The following CDCA7L variants were observed in gnomAD, a reference collection of about 807,000 sequenced individuals.
CDCA7L encodes cell division cycle associated 7 like, also known as cell division cycle-associated 7-like protein.
In CDCA7L, 44 loss-of-function variants were observed where a neutral mutation model predicts 57.4. That is an observed-to-expected ratio of 0.77 (90% CI 0.60 to 0.98). CDCA7L has a LOEUF of 0.98. Ranked by LOEUF, CDCA7L falls within the 50% of genes least tolerant of loss-of-function variation. The probability of loss-of-function intolerance (pLI) is 0.00; values close to 1 mark genes in which losing one functional copy is unlikely to be tolerated. For synonymous variants in CDCA7L, 236 were observed against 202.8 expected, an observed-to-expected ratio of 1.16 and a Z score of -1.39; for missense variants, 644 against 580.6, an observed-to-expected ratio of 1.11 and a Z score of -1.12.
intron 1 of CDCA7L, among the ~76,000 whole-genome samples, chr7:21,933,450 C>A (rs557561230): frequency 6.6e-6 from 1 of 152,242 alleles, no homozygotes; most frequent in African/African-American, 2.4e-5. Context: ...CACATATACA[C>A]CATGGAATAC....
Position 21,902,480 on chromosome 7 carries a change from T to TGACAATTTATGCATCA in CDCA7L, c.1335-144_1335-129dup. The TGACAATTTATGCATCA allele has an allele frequency of 5.8e-6, 5 of 866,114 alleles. No homozygotes were observed. The South Asian group carries it at 7.1e-5, about 12-fold the overall frequency. The allele number at this position is 866,114 out of a possible 1,614,324, so 53.7% of individuals were successfully genotyped here. A position where few individuals can be genotyped will look rare whatever the true frequency, so the allele number is the denominator to read the frequency against. ...CCAGATCTCCTGACACTCGAAATCC[T>TGACAATTTATGCATCA]GACAATTTATGCATCAATATCCGTA... On this transcript the variant is annotated intron_variant, in intron 9 of 9. Coordinates refer to ENST00000406877, the MANE Select transcript of CDCA7L (RefSeq NM_018719.5).
At chr7:21,911,787 A>T (rs769868632) in intron 2 of CDCA7L, 33 bp from the exon 3 acceptor site, 2 of 1,599,164 alleles carry the variant, frequency 1.3e-6, no homozygotes, top group East Asian at 2.2e-5. Flanking sequence ...TCAGAGACGG[A>T]AAGTAGAATA....
At chr7:21,916,444 C>T (rs1319445304) in intron 2 of CDCA7L, among the ~76,000 whole-genome samples, 1 of 149,302 alleles carries the variant, frequency 6.7e-6, no homozygotes, top group Non-Finnish European at 1.5e-5. Flanking sequence ...ACCCTGAACA[C>T]AGCCTCGCCA....
chr7:21,902,079 A>G lies in CDCA7L; in HGVS notation c.*243T>C, dbSNP rs577965706. The G allele has an allele frequency of 1.2e-3, 591 of 507,862 alleles. No homozygotes were observed. The highest frequency in any genetic ancestry group is 9.9e-3 in the African/African-American group (520 of 52,542). The allele number at this position is 507,862 out of a possible 1,614,324, so 31.5% of individuals were successfully genotyped here. On this transcript the variant is annotated 3_prime_UTR_variant, in exon 10 of 10. Coordinates refer to ENST00000406877, the MANE Select transcript of CDCA7L (RefSeq NM_018719.5). ...CTGTGCTTTTTAATAACTGGCAGATATTTTTAACAAAGTTCAGCATACAGA... is the reference window on the plus strand; with the variant it reads ...CTGTGCTTTTTAATAACTGGCAGATGTTTTTAACAAAGTTCAGCATACAGA...
Position 21,945,865 on chromosome 7 carries a change from C to A in CDCA7L, c.-61G>T, listed in dbSNP as rs988922303. 1.9e-6 allele frequency: 3 copies of A among 1,538,886 alleles called. No individual in the cohort carries two copies. Among genetic ancestry groups the A allele is most frequent in the Admixed American group, 4.0e-5 (2 of 49,452 alleles). ...CGGCCACGGGAGCCCGGACTCACCA[C>A]GGCCCGGCGCACCAAGAACGCCCCG... On this transcript the variant is annotated 5_prime_UTR_variant, in exon 1 of 10. Coordinates refer to ENST00000406877, the MANE Select transcript of CDCA7L (RefSeq NM_018719.5).
intron 1 of CDCA7L, among the ~76,000 whole-genome samples, chr7:21,923,695 C>CTTCA (rs1436669423): frequency 3.3e-5 from 5 of 152,298 alleles, no homozygotes; most frequent in Admixed American, 2.0e-4. Flanking sequence ...GGTGCCAAGG[C>CTTCA]TTCAGCTTTA....
At position 21,945,814 on chromosome 7, in the gene CDCA7L, C is replaced by G. The variant is rs768054692; in HGVS notation, c.-10G>C. 5.0e-6 allele frequency: 8 copies of G among 1,598,888 alleles called. No homozygotes were observed. The Admixed American group carries it at 5.1e-5, about 10-fold the overall frequency. On this transcript the variant is annotated 5_prime_UTR_variant, in exon 1 of 10. Coordinates refer to ENST00000406877, the MANE Select transcript of CDCA7L (RefSeq NM_018719.5). ...GAGTCGCCAACTCCATTCTTCCTAA[C>G]CGGGCTCCAGTCTCCTCCCAGCACG... is the stretch of plus-strand genomic sequence containing the variant.
chr7:21,926,686 T>C (rs919051846), intron 1 of CDCA7L, among the ~76,000 whole-genome samples: 1 of 148,524 alleles, frequency 6.7e-6, no homozygotes, highest in Non-Finnish European at 1.5e-5. Flanking sequence ...CTGGGCAATG[T>C]AGCAAGACCC....
chr7:21,940,667 G>A (rs1786314618), intron 1 of CDCA7L, among the ~76,000 whole-genome samples: 1 of 152,236 alleles, frequency 6.6e-6, no homozygotes, highest in Admixed American at 6.5e-5. Flanking sequence ...ATAGCTGCAG[G>A]ATGCAGTCAC....
At chr7:21,903,215 C>CTTTAATCACATGGCATCT in intron 8 of CDCA7L, 101 bp from the exon 9 acceptor site, 1 of 1,130,656 alleles carries the variant, frequency 8.8e-7, no homozygotes, top group Non-Finnish European at 1.2e-6. Context: ...CTCCTCCAAC[C>CTTTAATCACATGGCATCT]TTTAATCACA....
chr7:21,907,097 T>C (rs1785165944), intron 4 of CDCA7L, among the ~76,000 whole-genome samples: 1 of 152,230 alleles, frequency 6.6e-6, no homozygotes, highest in African/African-American at 2.4e-5. Context: ...GATTAATTTC[T>C]CATCAATCAA....
At chr7:21,936,075 G>T in intron 1 of CDCA7L, among the ~76,000 whole-genome samples, 1 of 151,842 alleles carries the variant, frequency 6.6e-6, no homozygotes. Flanking sequence ...CCAACAAATT[G>T]GATTATCTAG....
In CDCA7L at chr7:21,925,242, CAA is replaced by C. The variant is rs986467665; in HGVS notation, c.25-8350_25-8349del. 7.2e-5 allele frequency among the ~76,000 whole-genome samples: 11 copies of C among 152,186 alleles called. No homozygotes were observed. The East Asian group carries it at 1.4e-3, about 19-fold the overall frequency. On this transcript the variant is annotated intron_variant, in intron 1 of 9. Coordinates refer to ENST00000406877, the MANE Select transcript of CDCA7L (RefSeq NM_018719.5). ...AACAAAGAAAACTCACTAGGGAAAA[CAA>C]AAGAGGCTAAAAACACTTTAAAAGT...
Position 21,901,477 on chromosome 7 carries a change from G to A in CDCA7L, c.*845C>T, listed in dbSNP as rs1232942462. The A allele has an allele frequency of 4.1e-6, 2 of 492,066 alleles. No homozygotes were observed. Among genetic ancestry groups the A allele is most frequent in the Non-Finnish European group, 6.1e-6 (2 of 327,532 alleles). 30.5% of individuals were successfully genotyped at this position (492,066 alleles called of 1,614,324 possible). ...GTAATCCCAGTTACTCAGGAGGTAG[G>A]AGAATCACTTGAACCTAGGAGGCAA... On this transcript the variant is annotated 3_prime_UTR_variant, in exon 10 of 10. Transcript: ENST00000406877.
chr7:21,930,915 C>G (rs555382541), intron 1 of CDCA7L, among the ~76,000 whole-genome samples: 3 of 151,836 alleles, frequency 2.0e-5, no homozygotes, highest in Non-Finnish European at 4.4e-5. Flanking sequence ...AGAGAAGAAT[C>G]AAATAGACAC....
At chr7:21,919,610 G>A (rs986685748) in intron 1 of CDCA7L, among the ~76,000 whole-genome samples, 1 of 152,104 alleles carries the variant, frequency 6.6e-6, no homozygotes, top group Admixed American at 6.6e-5. Context: ...CAAGTTCATG[G>A]TGACACCCTG....
In CDCA7L at chr7:21,911,600, C is replaced by T. The variant is rs1785329516; in HGVS notation, c.303+17G>A. ...AAAAACGTTACCACCCACATCCCTTCCTGTTGTAATTATTACCATTACTTC... is the reference window on the plus strand; with the variant it reads ...AAAAACGTTACCACCCACATCCCTTTCTGTTGTAATTATTACCATTACTTC... On this transcript the variant is annotated intron_variant, in intron 3 of 9. Coordinates refer to ENST00000406877, the MANE Select transcript of CDCA7L (RefSeq NM_018719.5). The T allele has an allele frequency of 1.2e-6, 2 of 1,603,828 alleles. No individual in the cohort carries two copies. The highest frequency in any genetic ancestry group is 1.7e-4 in the Middle Eastern group (1 of 6,028).
intron 1 of CDCA7L, among the ~76,000 whole-genome samples, chr7:21,943,531 G>A (rs188673558): frequency 6.6e-6 from 1 of 152,312 alleles, no homozygotes; most frequent in East Asian, 1.9e-4. Flanking sequence ...GGAACCACAC[G>A]AATTTAACAT....
chr7:21,944,762 C>T (rs974354743), intron 1 of CDCA7L: 1 of 152,062 alleles, frequency 6.6e-6, no homozygotes, highest in African/African-American at 2.4e-5. Context: ...CCTTCCAACG[C>T]TGGCGGCCCC....
Sources: gnomAD v4.1 joint callset for allele counts (sites outside exome capture counted in the v4.1 genomes callset) on GRCh38, gnomAD v4.1.1 for gene constraint, MANE v1.5 for transcripts, NCBI Gene and HGNC (gene_info 2026-07-23, HGNC 2026-07-21) for gene names.